ZNF544: variants seen among roughly 807,000 people sequenced by gnomAD.
The protein encoded by ZNF544 is zinc finger protein 544.
Under a neutral mutation model 13.5 loss-of-function variants are expected in ZNF544, and 10 were observed. That is an observed-to-expected ratio of 0.74 (90% confidence interval 0.46 to 1.25). The LOEUF (loss-of-function observed/expected upper bound fraction) is 1.25, where lower values mean the gene tolerates loss of function less well. Ranked by LOEUF, ZNF544 falls within the 50% of genes most tolerant of loss-of-function variation. The probability of loss-of-function intolerance (pLI) is 0.00; values close to 1 mark genes in which losing one functional copy is unlikely to be tolerated. For synonymous variants in ZNF544, 323 were observed against 300.5 expected (o/e 1.07, Z -0.77); for missense variants, 896 against 845.6 (o/e 1.06, Z -0.74).
At chr19:58,234,913 T>C (rs989067342) in intron 3 of ZNF544, among the ~76,000 whole-genome samples, 3 of 152,260 alleles carry the variant, frequency 2.0e-5, no homozygotes, top group Non-Finnish European at 2.9e-5. Context: ...AGTGTTTACA[T>C]TATAATCACA....
intron 3 of ZNF544, among the ~76,000 whole-genome samples, chr19:58,234,417 C>A (rs2041980531): frequency 6.6e-6 from 1 of 152,232 alleles, no homozygotes; most frequent in African/African-American, 2.4e-5. Flanking sequence ...ATGTGGCCTC[C>A]CTGCTACCTG....
At chr19:58,232,457 C>A (rs1299484942) in intron 3 of ZNF544, among the ~76,000 whole-genome samples, 1 of 149,546 alleles carries the variant, frequency 6.7e-6, no homozygotes, top group African/African-American at 2.5e-5. Flanking sequence ...CTCAAGTGAT[C>A]CTCCCACCTC....
chr19:58,264,834 C>T (rs2049644290), downstream of ZNF544, among the ~76,000 whole-genome samples: 1 of 152,008 alleles, frequency 6.6e-6, no homozygotes, highest in Admixed American at 6.6e-5. Context: ...TGTTGAGACC[C>T]CATCTCTACA....
chr19:58,275,207 T>C (rs2147936705), intron 5 of ZNF544, among the ~76,000 whole-genome samples: 1 of 152,242 alleles, frequency 6.6e-6, no homozygotes, highest in South Asian at 2.1e-4. Flanking sequence ...CACACTTGTC[T>C]CCCGTGTTTC....
Position 58,261,996 on chromosome 19 carries a change from T to A in ZNF544, c.1390T>A (p.Tyr464Asn). Residue 464 changes from tyrosine to asparagine, a missense_variant, in exon 7 of 7, where the codon TAT becomes AAT. Tyr to Asn is a moderately radical substitution (Grantham distance 143, BLOSUM62 -2). Coordinates refer to ENST00000687789, the MANE Select transcript of ZNF544 (RefSeq NM_014480.4). ...GAGAATTCATACTGGAGAGAAACCG[T>A]ATGAGTGCACTCACTGTGGAAAGTC... ...HQRIHTGEKP[Y>N]ECTHCGKSFS... 1.2e-6 allele frequency: 2 copies of A among 1,613,730 alleles called. No individual in the cohort carries two copies. The highest frequency in any genetic ancestry group is 1.7e-6 in the Non-Finnish European group (2 of 1,179,976).
At chr19:58,273,957 G>A (rs1477734987) in intron 5 of ZNF544, among the ~76,000 whole-genome samples, 14 of 151,698 alleles carry the variant, frequency 9.2e-5, no homozygotes, top group African/African-American at 2.9e-4. Flanking sequence ...CACCACACCC[G>A]GCTAATTTTT....
chr19:58,258,235 AC>A (rs2047987991), intron 6 of ZNF544: 1 of 152,294 alleles, frequency 6.6e-6, no homozygotes, highest in African/African-American at 2.4e-5. Flanking sequence ...CCACCCACTG[AC>A]TTCTTTCCTG....
Position 58,261,937 on chromosome 19 carries a change from C to T in ZNF544, c.1331C>T (p.Ser444Phe), listed in dbSNP as rs766626200. The T allele has an allele frequency of 1.9e-6, 3 of 1,612,862 alleles. No individual in the cohort carries two copies. Among genetic ancestry groups the T allele is most frequent in the East Asian group, 4.5e-5 (2 of 44,836 alleles). The change falls in exon 7 of 7, where the codon TCC (serine) becomes TTC (phenylalanine). Residue 444 changes from serine to phenylalanine, a missense_variant. Ser to Phe is a radical substitution (Grantham distance 155). Coordinates refer to ENST00000687789, the MANE Select transcript of ZNF544 (RefSeq NM_014480.4). ...TATCAGTGTATTGAATGCAGAAAAT[C>T]CTTCAGGTGGAACTCTAACCTCATT... The part of the protein sequence containing the change: ...KPYQCIECRK[S>F]FRWNSNLIVH...
Position 58,263,452 on chromosome 19 carries a change from ACT to A in ZNF544, c.*701_*702del, listed in dbSNP as rs2049406925. ...CCGCTGCCTTGTGAGAGATTGAGAC[ACT>A]CTAAATAAATAATAACCAAGATGGG... On this transcript the variant is annotated 3_prime_UTR_variant, in exon 7 of 7. Transcript: ENST00000687789. The A allele has an allele frequency of 2.0e-6, 2 of 985,114 alleles. No individual in the cohort carries two copies. The highest frequency in any genetic ancestry group is 1.2e-4 in the Admixed American group (2 of 16,232). 61.0% of individuals were successfully genotyped at this position (985,114 alleles called of 1,614,324 possible).
intron 4 of ZNF544, among the ~76,000 whole-genome samples, chr19:58,245,269 C>T (rs186991040): frequency 6.7e-6 from 1 of 150,230 alleles, no homozygotes; most frequent in East Asian, 2.0e-4. Context: ...AGTTCTTAAA[C>T]AGTTAAAATT....
intron 6 of ZNF544, among the ~76,000 whole-genome samples, chr19:58,248,222 C>T (rs899559307): frequency 6.7e-6 from 1 of 150,196 alleles, no homozygotes; most frequent in Non-Finnish European, 1.5e-5. Flanking sequence ...CTTGAGGCAT[C>T]ATTATCACCC....
At chr19:58,246,531 T>G (rs2045257783) in intron 5 of ZNF544, 104 bp downstream of exon 5, 5 of 1,546,440 alleles carry the variant, frequency 3.2e-6, no homozygotes, top group Non-Finnish European at 4.4e-6. Context: ...TGGAAGCAGG[T>G]CCCTTTCAGG....
intron 6 of ZNF544, among the ~76,000 whole-genome samples, chr19:58,256,373 G>A (rs759276329): frequency 4.6e-5 from 7 of 151,812 alleles, no homozygotes; most frequent in African/African-American, 1.7e-4. Flanking sequence ...TTAAGCCGGC[G>A]GCCAAAGAGA....
At chr19:58,277,100 A>G (rs2051278546) in intron 6 of ZNF544, 1 of 1,044,306 alleles carries the variant, frequency 9.6e-7, no homozygotes. Context: ...GTCTGGTCTC[A>G]TGAGGCCTAG....
intron 5 of ZNF544, among the ~76,000 whole-genome samples, chr19:58,272,897 A>G (rs921236172): frequency 6.6e-6 from 1 of 151,770 alleles, no homozygotes; most frequent in Non-Finnish European, 1.5e-5. Flanking sequence ...AAGAAAAGAA[A>G]AAAAGGCCGG....
chr19:58,247,759 T>G (rs905198355), intron 6 of ZNF544: 5 of 152,114 alleles, frequency 3.3e-5, no homozygotes, highest in Admixed American at 6.6e-5. Flanking sequence ...ATAGACTTTA[T>G]TTTTTAGAGC....
downstream of ZNF544, chr19:58,266,846 C>G (rs1322038505): frequency 1.3e-5 from 2 of 152,198 alleles, no homozygotes; most frequent in African/African-American, 4.8e-5. Context: ...CTGCTTTATT[C>G]TGGCATTTCA....
At chr19:58,244,842 G>A (rs560344727) in intron 4 of ZNF544, among the ~76,000 whole-genome samples, 3 of 152,298 alleles carry the variant, frequency 2.0e-5, no homozygotes, top group African/African-American at 4.8e-5. Context: ...CTCCCAAAGT[G>A]CTGGAATCAC....
At chr19:58,259,772 G>C (rs1490404191) in intron 6 of ZNF544, 1 of 152,090 alleles carries the variant, frequency 6.6e-6, no homozygotes, top group Non-Finnish European at 1.5e-5. Context: ...TTTTTAGCAG[G>C]GTGTGGTAGC....
Sources: gnomAD v4.1 joint callset for allele counts (sites outside exome capture counted in the v4.1 genomes callset) on GRCh38, gnomAD v4.1.1 for gene constraint, MANE v1.5 for transcripts, NCBI Gene and HGNC (gene_info 2026-07-23, HGNC 2026-07-21) for gene names.